The following MACROD2 variants were observed in gnomAD, a reference collection of about 807,000 sequenced individuals.
MACROD2 encodes the protein mono-ADP ribosylhydrolase 2.
Under a neutral mutation model 70.4 loss-of-function variants are expected in MACROD2, and 36 were observed. The observed-to-expected ratio is 0.51, with a 90% CI of 0.39 to 0.68. MACROD2 has a LOEUF of 0.68. Ranked by LOEUF, MACROD2 falls within the 30% of genes least tolerant of loss-of-function variation. MACROD2 has a pLI of 0.00. For synonymous variants in MACROD2, 172 were observed against 178.8 expected, an observed-to-expected ratio of 0.96 and a Z score of 0.30; for missense variants, 496 against 538.4, an observed-to-expected ratio of 0.92 and a Z score of 0.78.
intron 3 of MACROD2, among the ~76,000 whole-genome samples, chr20:14,399,127 C>T: frequency 6.6e-6 from 1 of 151,034 alleles, no homozygotes; most frequent in Admixed American, 6.6e-5. Context: ...TCAAGTGATT[C>T]TCCTGCCTCA....
At chr20:15,027,310 A>G (rs906853679) in intron 5 of MACROD2, among the ~76,000 whole-genome samples, 1 of 152,098 alleles carries the variant, frequency 6.6e-6, no homozygotes, top group African/African-American at 2.4e-5. Context: ...GCTAATTTCC[A>G]TAGCTTTAAC....
intron 5 of MACROD2, among the ~76,000 whole-genome samples, chr20:14,745,139 TC>T (rs1204655224): frequency 6.6e-6 from 1 of 152,146 alleles, no homozygotes; most frequent in African/African-American, 2.4e-5. Context: ...ACTAGGGACT[TC>T]CTGGGCATCC....
chr20:16,043,499 AT>A (rs1474438101), intron 16 of MACROD2, among the ~76,000 whole-genome samples: 2 of 152,062 alleles, frequency 1.3e-5, no homozygotes, highest in East Asian at 3.9e-4. Flanking sequence ...GAAAATATCA[AT>A]CTAATTAAAC....
chr20:14,967,018 GT>G (rs1465539498), intron 5 of MACROD2, among the ~76,000 whole-genome samples: 6 of 151,668 alleles, frequency 4.0e-5, no homozygotes, highest in African/African-American at 9.8e-5. Context: ...TAGTGGATAT[GT>G]ATTGATGGGT....
intron 3 of MACROD2, among the ~76,000 whole-genome samples, chr20:14,348,087 C>A (rs1430729018): frequency 1.3e-5 from 2 of 151,624 alleles, no homozygotes; most frequent in African/African-American, 4.8e-5. Flanking sequence ...CATGTTGAAA[C>A]CCTGTCCCTA....
At chr20:15,393,278 T>C (rs1483314754) in intron 6 of MACROD2, among the ~76,000 whole-genome samples, 1 of 152,212 alleles carries the variant, frequency 6.6e-6, no homozygotes. Flanking sequence ...GAGTGTGTGA[T>C]TGGAAGGGAA....
chr20:14,557,946 A>G (rs1029680870), intron 4 of MACROD2, among the ~76,000 whole-genome samples: 3 of 151,866 alleles, frequency 2.0e-5, no homozygotes, highest in African/African-American at 7.2e-5. Context: ...GTTATTCATA[A>G]TAGCCCCAAA....
chr20:14,938,940 A>ATTTTTTTTTTTTTTT lies in MACROD2; in HGVS notation c.418+253989_418+254003dup, dbSNP rs1230863391. On this transcript the variant is annotated intron_variant, in intron 5 of 17. Coordinates refer to ENST00000684519, the MANE Select transcript of MACROD2 (RefSeq NM_001351661.2). ...GATATTTTTTTCATTGTTAAATCAG[A>ATTTTTTTTTTTTTTT]TTTTTTTTTTTTTTTTTTTTTTACT... Among the ~76,000 whole-genome samples the ATTTTTTTTTTTTTTT allele has an allele frequency of 2.3e-3, 199 of 86,394 alleles. 3 individuals are homozygous for ATTTTTTTTTTTTTTT. Among genetic ancestry groups the ATTTTTTTTTTTTTTT allele is most frequent in the African/African-American group, 7.3e-3 (174 of 23,788 alleles). 56.7% of individuals were successfully genotyped at this position (86,394 alleles called of 152,430 possible).
At chr20:14,401,727 C>G (rs1407183539) in intron 3 of MACROD2, among the ~76,000 whole-genome samples, 1 of 152,080 alleles carries the variant, frequency 6.6e-6, no homozygotes, top group Non-Finnish European at 1.5e-5. Flanking sequence ...TTTGTTGGTT[C>G]ACAGATCTGT....
At chr20:15,450,954 G>A (rs2046632569) in intron 7 of MACROD2, among the ~76,000 whole-genome samples, 2 of 152,094 alleles carry the variant, frequency 1.3e-5, no homozygotes, top group Admixed American at 1.3e-4. Context: ...GTCTGATTAT[G>A]GGACATACTG....
chr20:15,377,000 C>G (rs888775019), intron 6 of MACROD2, among the ~76,000 whole-genome samples: 1 of 152,160 alleles, frequency 6.6e-6, no homozygotes, highest in African/African-American at 2.4e-5. Context: ...ACATCATTCT[C>G]CTGCCTCAGC....
intron 8 of MACROD2, among the ~76,000 whole-genome samples, chr20:15,532,104 G>A (rs1255163254): frequency 1.3e-5 from 2 of 152,024 alleles, no homozygotes; most frequent in Non-Finnish European, 2.9e-5. Context: ...TAACTTACTG[G>A]TAAGTGACAT....
At chr20:15,382,023 A>G (rs1382504232) in intron 6 of MACROD2, among the ~76,000 whole-genome samples, 5 of 152,118 alleles carry the variant, frequency 3.3e-5, no homozygotes, top group Non-Finnish European at 7.3e-5. Context: ...AATATGCTAA[A>G]AAGAGAAGGG....
intron 3 of MACROD2, among the ~76,000 whole-genome samples, chr20:14,215,491 A>G (rs1041557986): frequency 4.6e-5 from 7 of 152,050 alleles, no homozygotes; most frequent in African/African-American, 1.7e-4. Flanking sequence ...TCTTTTTCGA[A>G]TAATGACTTA....
At chr20:14,916,272 A>G (rs2074090400) in intron 5 of MACROD2, among the ~76,000 whole-genome samples, 1 of 151,584 alleles carries the variant, frequency 6.6e-6, no homozygotes, top group South Asian at 2.1e-4. Flanking sequence ...TTCCTTTTAC[A>G]CTCCCTCTAG....
At chr20:14,979,835 A>G (rs2074780985) in intron 5 of MACROD2, among the ~76,000 whole-genome samples, 1 of 152,194 alleles carries the variant, frequency 6.6e-6, no homozygotes, top group Non-Finnish European at 1.5e-5. Context: ...ACAAAACTGA[A>G]TTGAGTTTTG....
At chr20:15,250,638 C>T (rs1487646308) in intron 6 of MACROD2, among the ~76,000 whole-genome samples, 1 of 152,214 alleles carries the variant, frequency 6.6e-6, no homozygotes, top group Non-Finnish European at 1.5e-5. Context: ...GTATATGCCA[C>T]AGGACCTTTG....
intron 8 of MACROD2, among the ~76,000 whole-genome samples, chr20:15,605,638 T>G (rs577548443): frequency 3.9e-4 from 59 of 152,186 alleles, no homozygotes; most frequent in Non-Finnish European, 6.3e-4. Flanking sequence ...TGAGGTCACA[T>G]AACATGTATA....
At chr20:15,683,914 T>A (rs993531378) in intron 8 of MACROD2, among the ~76,000 whole-genome samples, 1 of 152,146 alleles carries the variant, frequency 6.6e-6, no homozygotes, top group African/African-American at 2.4e-5. Context: ...ATTTTAATCA[T>A]TAAAATGAAA....
Sources: allele counts gnomAD v4.1 joint callset (sites outside exome capture counted in the v4.1 genomes callset), GRCh38; gene constraint gnomAD v4.1.1; transcripts MANE v1.5; gene names NCBI Gene and HGNC (gene_info 2026-07-23, HGNC 2026-07-21).